Variants in AGPAT5 observed in about 807,000 individuals in gnomAD.
AGPAT5 encodes the protein 1-acyl-sn-glycerol-3-phosphate acyltransferase epsilon.
A neutral mutation model predicts 45.6 loss-of-function variants in AGPAT5; 46 were observed. The ratio of observed to expected loss-of-function variants is 1.01; its 90% CI spans 0.80 to 1.29. AGPAT5 has a LOEUF of 1.29. Among genes scored for constraint, AGPAT5 ranks in the 50% most tolerant of loss-of-function variants. The pLI is 0.00. For synonymous variants in AGPAT5, 272 were observed against 167.0 expected (o/e 1.63, Z -4.85); for missense variants, 673 against 450.7 (o/e 1.49, Z -4.47).
At chr8:6,720,913 A>G (rs1030094056) in intron 1 of AGPAT5, among the ~76,000 whole-genome samples, 2 of 149,210 alleles carry the variant, frequency 1.3e-5, no homozygotes, top group Non-Finnish European at 2.9e-5. Flanking sequence ...GGTAAGAACA[A>G]TGAGAGAGCA....
chr8:6,729,216 G>T (rs1800784258), intron 2 of AGPAT5, among the ~76,000 whole-genome samples: 1 of 152,164 alleles, frequency 6.6e-6, no homozygotes, highest in Non-Finnish European at 1.5e-5. Flanking sequence ...ATTCTGACTA[G>T]TATGGTGCAT....
rs1563295313 is a variant in AGPAT5 at position 6,735,848 on chromosome 8, C to CTTTTTTTTTTTTTTTTTTTTTTTTTTTTT, written c.495+3198_495+3199insTTTTTTTTTTTTTTTTTTTTTTTTTTTTT. ...GTGTTCCTGTTTATTCTTTATATAG[C>CTTTTTTTTTTTTTTTTTTTTTTTTTTTTT]CTTTTTTTTTTTTTTTTTTTTTTTG... On this transcript the variant is annotated intron_variant, in intron 4 of 7. Transcript: ENST00000285518. Among the ~76,000 whole-genome samples, 4 of 53,614 alleles carry CTTTTTTTTTTTTTTTTTTTTTTTTTTTTT rather than the reference C, an allele frequency of 7.5e-5. 2 individuals carry two copies. Among genetic ancestry groups the CTTTTTTTTTTTTTTTTTTTTTTTTTTTTT allele is most frequent in the African/African-American group, 1.1e-4 (2 of 18,162 alleles). The allele number at this position is 53,614 out of a possible 152,430, so 35.2% of individuals were successfully genotyped here.
intron 2 of AGPAT5, among the ~76,000 whole-genome samples, chr8:6,730,222 G>T (rs1249089303): frequency 7.3e-6 from 1 of 136,624 alleles, no homozygotes; most frequent in Non-Finnish European, 1.6e-5. Flanking sequence ...AGCCTTTCAA[G>T]AAATGCAAAA....
intron 1 of AGPAT5, 148 bp downstream of exon 1, chr8:6,709,035 C>T (rs1387743096): frequency 2.5e-6 from 2 of 789,422 alleles, no homozygotes; most frequent in Admixed American, 2.0e-5. Flanking sequence ...GCCTTCCTCT[C>T]CGCATGCTTC....
chr8:6,744,802 A>G (rs555239009), intron 5 of AGPAT5, among the ~76,000 whole-genome samples: 1 of 152,038 alleles, frequency 6.6e-6, no homozygotes, highest in South Asian at 2.1e-4. Flanking sequence ...TGTCTGCCCC[A>G]GCCCCGGGGT....
At chr8:6,737,079 T>A (rs1801077385) in intron 4 of AGPAT5, among the ~76,000 whole-genome samples, 1 of 152,254 alleles carries the variant, frequency 6.6e-6, no homozygotes, top group Non-Finnish European at 1.5e-5. Flanking sequence ...AGTCTGGTTA[T>A]GGGCTACGAG....
chr8:6,725,171 C>A (rs989462794), intron 2 of AGPAT5, among the ~76,000 whole-genome samples: 1 of 152,196 alleles, frequency 6.6e-6, no homozygotes, highest in Non-Finnish European at 1.5e-5. Context: ...AGTAAGCTAT[C>A]TTCTTACTTG....
intron 4 of AGPAT5, among the ~76,000 whole-genome samples, chr8:6,739,068 A>G (rs551569823): frequency 5.9e-5 from 9 of 152,134 alleles, no homozygotes; most frequent in South Asian, 2.1e-4. Flanking sequence ...TTTCCCCCCA[A>G]TGTTTGAAAT....
At chr8:6,745,364 G>C (rs1053651150) in intron 5 of AGPAT5, 1 of 154,180 alleles carries the variant, frequency 6.5e-6, no homozygotes, top group African/African-American at 2.4e-5. Context: ...TAAGTCTATA[G>C]CTGTGCAAAG....
intron 1 of AGPAT5, among the ~76,000 whole-genome samples, chr8:6,724,573 T>C (rs1800618670): frequency 1.3e-5 from 2 of 152,244 alleles, no homozygotes; most frequent in African/African-American, 4.8e-5. Context: ...AAGGAAGATA[T>C]ATCTTATGAA....
intron 1 of AGPAT5, among the ~76,000 whole-genome samples, chr8:6,716,915 G>T (rs59731299): frequency 0.022 from 3,282 of 152,274 alleles, 120 homozygotes; most frequent in African/African-American, 0.075. Context: ...CTGTGGAAAT[G>T]TATATGAATC....
intron 4 of AGPAT5, among the ~76,000 whole-genome samples, chr8:6,732,941 C>G (rs981471771): frequency 2.6e-5 from 4 of 152,104 alleles, no homozygotes; most frequent in Admixed American, 1.3e-4. Flanking sequence ...TGCATTTTAA[C>G]CTGACATTTA....
chr8:6,727,713 C>G (rs370490795), intron 2 of AGPAT5, among the ~76,000 whole-genome samples: 96 of 152,284 alleles, frequency 6.3e-4, no homozygotes, highest in African/African-American at 2.3e-3. Flanking sequence ...ATGAAATGTT[C>G]TCTTTTCTTG....
intron 6 of AGPAT5, among the ~76,000 whole-genome samples, chr8:6,753,881 C>T (rs902028567): frequency 1.3e-5 from 2 of 152,148 alleles, no homozygotes; most frequent in African/African-American, 4.8e-5. Flanking sequence ...CTGCATGTTA[C>T]TAAGAGCTCG....
At chr8:6,737,810 A>T (rs973440147) in intron 4 of AGPAT5, among the ~76,000 whole-genome samples, 2 of 152,220 alleles carry the variant, frequency 1.3e-5, no homozygotes, top group African/African-American at 4.8e-5. Flanking sequence ...TATAGCTTAT[A>T]CATCAGTACT....
chr8:6,741,829 A>T lies in AGPAT5; in HGVS notation c.586+78A>T, dbSNP rs200744401. 4.3e-6 allele frequency: 5 copies of T among 1,173,792 alleles called. No homozygotes were observed. The East Asian group carries it at 1.2e-4, about 28-fold the overall frequency. The allele number at this position is 1,173,792 out of a possible 1,614,324, so 72.7% of individuals were successfully genotyped here. On this transcript the variant is annotated intron_variant, in intron 5 of 7. Transcript: ENST00000285518. ...TTTAGTTTTTCTTCCTGGAAAAGAT[A>T]CTTTTGTTTTACAGTTGAAGGAATG...
chr8:6,751,887 A>G lies in AGPAT5; in HGVS notation c.746-3164A>G, dbSNP rs374403953. Among the ~76,000 whole-genome samples, 52 of 152,254 alleles carry G rather than the reference A, an allele frequency of 3.4e-4. 1 individual carries two copies. In the South Asian group the frequency reaches 0.011, roughly 31 times the overall value. On this transcript the variant is annotated intron_variant, in intron 6 of 7. Transcript: ENST00000285518. ...CATTTCTATTAATATTTTTATATTT[A>G]AAGTATGGAGGCCGGGCACAGTGGC...
At chr8:6,752,003 C>T (rs1390386260) in intron 6 of AGPAT5, among the ~76,000 whole-genome samples, 1 of 151,894 alleles carries the variant, frequency 6.6e-6, no homozygotes, top group Non-Finnish European at 1.5e-5. Flanking sequence ...ACGGTGAAAT[C>T]CCATCTCTAC....
intron 4 of AGPAT5, among the ~76,000 whole-genome samples, chr8:6,739,547 G>T (rs990613119): frequency 6.6e-6 from 1 of 151,918 alleles, no homozygotes; most frequent in Admixed American, 6.6e-5. Flanking sequence ...TATTGTAGAT[G>T]ACATTTAAAA....
Sources: allele counts gnomAD v4.1 joint callset (sites outside exome capture counted in the v4.1 genomes callset), GRCh38; gene constraint gnomAD v4.1.1; transcripts MANE v1.5; gene names NCBI Gene and HGNC (gene_info 2026-07-23, HGNC 2026-07-21).